Variants in PRDM5 observed in about 807,000 individuals in gnomAD.
The protein encoded by PRDM5 is PR domain zinc finger protein 5.
PRDM5 carries 56 observed loss-of-function variants against 81.2 expected under a neutral mutation model. That is an observed-to-expected ratio of 0.69 (90% confidence interval 0.56 to 0.86). PRDM5 has a LOEUF of 0.86. PRDM5 is among the 40% of genes least tolerant of loss of function. The probability of loss-of-function intolerance (pLI) is 0.00; values close to 1 mark genes in which losing one functional copy is unlikely to be tolerated. For synonymous variants in PRDM5, 267 were observed against 256.4 expected, an observed-to-expected ratio of 1.04 and a Z score of -0.39; for missense variants, 697 against 770.1, an observed-to-expected ratio of 0.91 and a Z score of 1.12.
At chr4:120,833,066 G>T (rs543982574) in intron 3 of PRDM5, among the ~76,000 whole-genome samples, 2 of 152,086 alleles carry the variant, frequency 1.3e-5, no homozygotes, top group African/African-American at 2.4e-5. Flanking sequence ...GCTCTCAGGG[G>T]AAACAGAAAA....
At chr4:120,722,827 A>C (rs990138893) in intron 14 of PRDM5, among the ~76,000 whole-genome samples, 1 of 152,138 alleles carries the variant, frequency 6.6e-6, no homozygotes, top group African/African-American at 2.4e-5. Flanking sequence ...AGACCACATA[A>C]GGAGAGGCTG....
chr4:120,811,290 T>TA (rs1293813178), intron 8 of PRDM5, 80 bp downstream of exon 8: 29 of 894,570 alleles, frequency 3.2e-5, no homozygotes, highest in Non-Finnish European at 4.5e-5. Context: ...AATAACTTGG[T>TA]AACTTTTATA....
intron 2 of PRDM5, among the ~76,000 whole-genome samples, chr4:120,871,471 C>T (rs997564724): frequency 6.6e-6 from 1 of 152,168 alleles, no homozygotes; most frequent in East Asian, 1.9e-4. Context: ...GTACACAGTA[C>T]CAAAGCACTA....
At chr4:120,838,900 G>A in intron 3 of PRDM5, 2 of 337,490 alleles carry the variant, frequency 5.9e-6, no homozygotes, top group East Asian at 9.8e-5. Context: ...AGGGGTGTGA[G>A]AGTGAGTGTG....
intron 14 of PRDM5, among the ~76,000 whole-genome samples, chr4:120,731,262 T>G (rs4146034): frequency 6.6e-6 from 1 of 151,708 alleles, no homozygotes; most frequent in African/African-American, 2.4e-5. Context: ...TGCAGTGCAA[T>G]GTACAACAAG....
chr4:120,763,934 A>AT (rs1368803106), intron 13 of PRDM5, among the ~76,000 whole-genome samples: 1 of 152,004 alleles, frequency 6.6e-6, no homozygotes, highest in Non-Finnish European at 1.5e-5. Context: ...GATTAAAAAA[A>AT]AAAAACAGCT....
At chr4:120,702,422 A>G (rs1395170770) in intron 15 of PRDM5, among the ~76,000 whole-genome samples, 3 of 152,286 alleles carry the variant, frequency 2.0e-5, no homozygotes, top group Non-Finnish European at 4.4e-5. Context: ...CACATCTGCC[A>G]GGTGATGGTT....
intron 2 of PRDM5, chr4:120,895,823 T>C (rs899393032): frequency 5.3e-5 from 8 of 152,200 alleles, no homozygotes; most frequent in Non-Finnish European, 8.8e-5. Context: ...ACAACAGGCA[T>C]GTACCACCAT....
intron 2 of PRDM5, chr4:120,896,487 C>T (rs939543691): frequency 2.6e-5 from 4 of 152,112 alleles, no homozygotes; most frequent in African/African-American, 9.7e-5. Context: ...GTCACTTGCA[C>T]ATAGTTGATT....
chr4:120,835,420 T>G (rs1413564990), intron 3 of PRDM5, among the ~76,000 whole-genome samples: 1 of 152,064 alleles, frequency 6.6e-6, no homozygotes, highest in African/African-American at 2.4e-5. Flanking sequence ...TTGAAAGAGG[T>G]AGAATAAAGG....
chr4:120,849,861 A>C (rs1202710141), intron 3 of PRDM5, among the ~76,000 whole-genome samples: 2 of 152,168 alleles, frequency 1.3e-5, no homozygotes, highest in African/African-American at 4.8e-5. Flanking sequence ...AGTTCATTTT[A>C]AGCCACAACT....
chr4:120,852,761 A>T (rs905283948), intron 3 of PRDM5, among the ~76,000 whole-genome samples: 2 of 148,242 alleles, frequency 1.3e-5, no homozygotes, highest in Middle Eastern at 3.6e-3. Context: ...ATTTTTATAT[A>T]TTTTTTATAT....
intron 13 of PRDM5, among the ~76,000 whole-genome samples, chr4:120,755,931 CA>C (rs1477186075): frequency 6.6e-6 from 1 of 152,120 alleles, no homozygotes; most frequent in Non-Finnish European, 1.5e-5. Flanking sequence ...AAAATGGTGA[CA>C]AACACCCAAA....
intron 11 of PRDM5, among the ~76,000 whole-genome samples, chr4:120,784,346 T>C (rs770606449): frequency 6.6e-6 from 1 of 152,090 alleles, no homozygotes; most frequent in Non-Finnish European, 1.5e-5. Context: ...TCTGAGACAG[T>C]AGCAAGTAGG....
At chr4:120,886,747 A>G (rs1763475940) in intron 2 of PRDM5, among the ~76,000 whole-genome samples, 2 of 152,184 alleles carry the variant, frequency 1.3e-5, no homozygotes, top group Admixed American at 1.3e-4. Context: ...GATACTCTGC[A>G]AAGACCTGGG....
chr4:120,746,014 A>C (rs1369177471), intron 14 of PRDM5, among the ~76,000 whole-genome samples: 4,425 of 147,848 alleles, frequency 0.03, 144 homozygotes, highest in African/African-American at 0.1. Flanking sequence ...GAGGCATCAC[A>C]CTACCTGACT....
chr4:120,754,262 G>A (rs1236445398), intron 14 of PRDM5, among the ~76,000 whole-genome samples: 2 of 151,986 alleles, frequency 1.3e-5, no homozygotes, highest in South Asian at 2.1e-4. Flanking sequence ...AAATATTGTA[G>A]TATTAAAATT....
chr4:120,919,310 TTGTCTGTCTTGCTCACCTG>T (rs1724604182), intron 1 of PRDM5, among the ~76,000 whole-genome samples: 1 of 152,240 alleles, frequency 6.6e-6, no homozygotes, highest in African/African-American at 2.4e-5. Flanking sequence ...GAAAAAGACC[TTGTCTGTCTTGCTCACCTG>T]TGTATTCCCA....
chr4:120,825,378 A>G (rs1755822795), intron 3 of PRDM5, among the ~76,000 whole-genome samples: 1 of 152,194 alleles, frequency 6.6e-6, no homozygotes. Flanking sequence ...ACTATCACAC[A>G]AAGTTGCTTT....
Sources: gnomAD v4.1 joint callset for allele counts (sites outside exome capture counted in the v4.1 genomes callset) on GRCh38, gnomAD v4.1.1 for gene constraint, MANE v1.5 for transcripts, NCBI Gene and HGNC (gene_info 2026-07-23, HGNC 2026-07-21) for gene names.